UBAP2L: variants seen among roughly 807,000 people sequenced by gnomAD.
UBAP2L encodes the protein ubiquitin associated protein 2 like, also known as ubiquitin-associated protein 2-like.
In UBAP2L, 12 loss-of-function variants were observed where a neutral mutation model predicts 130.6. That is an observed-to-expected ratio of 0.09 (90% CI 0.06 to 0.15). The LOEUF is 0.15. UBAP2L is among the 10% of genes least tolerant of loss of function. The pLI is 1.00. For missense variants in UBAP2L, 965 were observed against 1,332.5 expected (o/e 0.72, Z 4.29); for synonymous variants, 503 against 524.7 (o/e 0.96, Z 0.57).
rs757153961 is a variant in UBAP2L at position 154,235,174 on chromosome 1, T to C, written c.449-22T>C. On this transcript the variant is annotated intron_variant, in intron 5 of 26. Coordinates refer to ENST00000428931, the MANE Select transcript of UBAP2L (RefSeq NM_014847.4). Reference sequence around the variant, plus strand: ...TGGTTTTTTTGTTGTTGTTGTTGTTTTAATTTTTATTTTTATTTCAGTTCG... The same window carrying C: ...TGGTTTTTTTGTTGTTGTTGTTGTTCTAATTTTTATTTTTATTTCAGTTCG... 4 of 748,892 alleles carry C rather than the reference T, an allele frequency of 5.3e-6. No homozygotes were observed. In the South Asian group the frequency reaches 5.8e-5, roughly 11 times the overall value. The allele number at this position is 748,892 out of a possible 1,614,324, so 46.4% of individuals were successfully genotyped here. A position where few individuals can be genotyped will look rare whatever the true frequency, so the allele number is the denominator to read the frequency against.
At chr1:154,238,143 A>G (rs746593498) in intron 8 of UBAP2L, among the ~76,000 whole-genome samples, 3 of 152,104 alleles carry the variant, frequency 2.0e-5, no homozygotes, top group Non-Finnish European at 4.4e-5. Context: ...TTTTCCTACA[A>G]TATATTATTC....
intron 2 of UBAP2L, among the ~76,000 whole-genome samples, chr1:154,226,586 T>C (rs1264563216): frequency 1.3e-5 from 2 of 152,224 alleles, no homozygotes; most frequent in African/African-American, 4.8e-5. Context: ...GAAGATGTGT[T>C]GAGTCTATTG....
chr1:154,255,377 G>C (rs550064801), intron 17 of UBAP2L, 51 bp downstream of exon 17: 1 of 1,596,860 alleles, frequency 6.3e-7, no homozygotes, highest in African/African-American at 1.3e-5. Context: ...CAATAACAGA[G>C]CTCTCTGGTC....
chr1:154,237,692 CAAG>C (rs1294532838), intron 8 of UBAP2L, among the ~76,000 whole-genome samples: 4 of 152,082 alleles, frequency 2.6e-5, no homozygotes, highest in Non-Finnish European at 5.9e-5. Flanking sequence ...AGTATCTGAA[CAAG>C]AAGATTTCGA....
chr1:154,229,134 A>G (rs1366195682), intron 4 of UBAP2L, among the ~76,000 whole-genome samples: 1 of 150,534 alleles, frequency 6.6e-6, no homozygotes, highest in Non-Finnish European at 1.5e-5. Context: ...TATTTATTTT[A>G]CATATTTGAT....
chr1:154,261,647 C>G lies in UBAP2L; in HGVS notation c.2852C>G (p.Ala951Gly). 6.2e-7 allele frequency: 1 copy of G among 1,614,142 alleles called. No individual in the cohort carries two copies. Among genetic ancestry groups the G allele is most frequent in the South Asian group, 1.1e-5 (1 of 91,082 alleles). Residue 951 changes from alanine (A) to glycine (G), a missense_variant, in exon 24 of 27, where the codon GCC becomes GGC. Coordinates refer to ENST00000428931, the MANE Select transcript of UBAP2L (RefSeq NM_014847.4). ...HGVNVSVNAS[A>G]TPFQQPSGYG... ...GTGAATGTCAGTGTGAATGCATCGGCCACCCCTTTCCAACAGCCGAGTGGA... is the reference window on the plus strand; with the variant it reads ...GTGAATGTCAGTGTGAATGCATCGGGCACCCCTTTCCAACAGCCGAGTGGA...
intron 12 of UBAP2L, 89 bp from the exon 13 acceptor site, chr1:154,250,952 T>C: frequency 4.3e-6 from 6 of 1,391,008 alleles, no homozygotes; most frequent in Non-Finnish European, 5.8e-6. Context: ...ATTTTTACAG[T>C]CCTCATTCAT....
Position 154,261,680 on chromosome 1 carries a change from C to G in UBAP2L, c.2885C>G (p.Ser962Cys). The part of the protein sequence containing the change: ...TPFQQPSGYG[S>C]HGYNTGVSVT... ...TTCCAACAGCCGAGTGGATATGGGT[C>G]TCATGGATACAACACTGGTAAGCTG... The change falls in exon 24 of 27, where the codon TCT becomes TGT. Residue 962 changes from serine (S) to cysteine (C), a missense_variant. By Grantham distance (112) the Ser-to-Cys change is moderately radical. Coordinates refer to ENST00000428931, the MANE Select transcript of UBAP2L (RefSeq NM_014847.4). The G allele has an allele frequency of 6.2e-7, 1 of 1,614,076 alleles. No homozygotes were observed. The highest frequency in any genetic ancestry group is 8.5e-7 in the Non-Finnish European group (1 of 1,179,988).
chr1:154,227,543 G>GT (rs1202245065), intron 3 of UBAP2L, among the ~76,000 whole-genome samples, 184 bp downstream of exon 3: 5 of 146,776 alleles, frequency 3.4e-5, no homozygotes, highest in Non-Finnish European at 3.0e-5. Flanking sequence ...GTAGCCCTTT[G>GT]TTTTGTTTTT....
intron 4 of UBAP2L, among the ~76,000 whole-genome samples, chr1:154,230,203 C>T (rs1669370744): frequency 6.6e-6 from 1 of 152,136 alleles, no homozygotes; most frequent in Non-Finnish European, 1.5e-5. Context: ...GACAGTGTTT[C>T]ACTATGTTGC....
intron 8 of UBAP2L, among the ~76,000 whole-genome samples, chr1:154,239,927 TC>T (rs34108981): frequency 6.6e-6 from 1 of 152,222 alleles, no homozygotes; most frequent in East Asian, 1.9e-4. Context: ...GTTTAGGATT[TC>T]CCTGGTGCAA....
chr1:154,270,786 T>TTTTTAA lies in UBAP2L; in HGVS notation c.*491_*492insTTTTAA. ...TTTTTTTTTGTTTTTTTTTTTTTTT[T>TTTTTAA]GTACTGTGTCCTCAAATTTAATGGA... On this transcript the variant is annotated 3_prime_UTR_variant, in exon 27 of 27. Coordinates refer to ENST00000428931, the MANE Select transcript of UBAP2L (RefSeq NM_014847.4). 1 of 1,249,170 alleles carries TTTTTAA rather than the reference T, an allele frequency of 8.0e-7. No individual in the cohort carries two copies. Among genetic ancestry groups the TTTTTAA allele is most frequent in the Non-Finnish European group, 1.0e-6 (1 of 969,280 alleles). The allele number at this position is 1,249,170 out of a possible 1,614,324, so 77.4% of individuals were successfully genotyped here.
intron 24 of UBAP2L, among the ~76,000 whole-genome samples, chr1:154,262,794 C>G (rs1253422051): frequency 6.6e-6 from 1 of 151,858 alleles, no homozygotes; most frequent in Non-Finnish European, 1.5e-5. Flanking sequence ...TTGTGGCCAC[C>G]CCTGTCATTG....
At chr1:154,238,671 A>G (rs187069024) in intron 8 of UBAP2L, among the ~76,000 whole-genome samples, 1 of 152,258 alleles carries the variant, frequency 6.6e-6, no homozygotes, top group East Asian at 1.9e-4. Context: ...TGACGCCACT[A>G]TCGTCTTGTT....
chr1:154,236,035 G>T lies in UBAP2L; in HGVS notation c.545-531G>T, dbSNP rs955031171. Among the ~76,000 whole-genome samples the T allele has an allele frequency of 3.9e-5, 6 of 152,180 alleles. 1 individual carries two copies. In the South Asian group the frequency reaches 1.2e-3, roughly 31 times the overall value. ...GATGTCATTTCCTCTAGTCTTTATT[G>T]CTAGTATTGTATTTGCTTGAGGACA... On this transcript the variant is annotated intron_variant, in intron 6 of 26. Coordinates refer to ENST00000428931, the MANE Select transcript of UBAP2L (RefSeq NM_014847.4).
intron 22 of UBAP2L, among the ~76,000 whole-genome samples, chr1:154,260,302 G>A (rs949868863): frequency 2.0e-5 from 3 of 152,148 alleles, no homozygotes; most frequent in African/African-American, 7.2e-5. Context: ...GAGCCCAGGA[G>A]TTCAAGACCA....
intron 10 of UBAP2L, among the ~76,000 whole-genome samples, chr1:154,244,711 G>A (rs147679510): frequency 1.8e-4 from 28 of 152,236 alleles, no homozygotes; most frequent in Non-Finnish European, 3.4e-4. Flanking sequence ...CGGAAGAAAT[G>A]AGTAGGGCAA....
At chr1:154,250,962 TG>T (rs1571852860) in intron 12 of UBAP2L, 78 bp from the exon 13 acceptor site, 1 of 1,434,908 alleles carries the variant, frequency 7.0e-7, no homozygotes, top group Non-Finnish European at 9.4e-7. Flanking sequence ...TCCTCATTCA[TG>T]GTGCTAGTGC....
chr1:154,257,840 G>A (rs1207544096), intron 20 of UBAP2L: 1 of 199,476 alleles, frequency 5.0e-6, no homozygotes, highest in African/African-American at 2.3e-5. Context: ...GTGTGTGTGT[G>A]CGTACAATGT....
Sources: gnomAD v4.1 joint callset for allele counts (sites outside exome capture counted in the v4.1 genomes callset) on GRCh38, gnomAD v4.1.1 for gene constraint, MANE v1.5 for transcripts, NCBI Gene and HGNC (gene_info 2026-07-23, HGNC 2026-07-21) for gene names.